OR11A1: variants seen among roughly 807,000 people sequenced by gnomAD.
The protein encoded by OR11A1 is olfactory receptor 11A1.
For missense variants in OR11A1, 380 were observed against 378.2 expected (o/e 1.00, Z -0.04); for synonymous variants, 158 against 152.2 (o/e 1.04, Z -0.28).
intron 1 of OR11A1, among the ~76,000 whole-genome samples, chr6:29,443,260 T>G (rs1784392361): frequency 1.3e-5 from 2 of 152,142 alleles, no homozygotes; most frequent in Admixed American, 1.3e-4. Context: ...TCACACTCCA[T>G]TGTAATCTCT....
chr6:29,427,404 T>C lies in OR11A1; in HGVS notation c.238A>G (p.Met80Val). The change falls in exon 5 of 5, where the codon ATG (methionine) becomes GTG (valine). Residue 80 changes from methionine to valine, a missense_variant. By Grantham distance (21) the Met-to-Val change is conservative (BLOSUM62 1). Coordinates refer to ENST00000377149, the MANE Select transcript of OR11A1 (RefSeq NM_001394828.1). ...AGGAAGCCCTCCAGCATTTTTGGCATCACTGCGGAGGTGTAGAGAATATCC... is the reference window on the plus strand; with the variant it reads ...AGGAAGCCCTCCAGCATTTTTGGCACCACTGCGGAGGTGTAGAGAATATCC... Reference protein sequence around the residue: ...FLDILYTSAVMPKMLEGFLQE... With the variant: ...FLDILYTSAVVPKMLEGFLQE... 3 of 1,613,108 alleles carry C rather than the reference T, an allele frequency of 1.9e-6. No homozygotes were observed. The highest frequency in any genetic ancestry group is 2.5e-6 in the Non-Finnish European group (3 of 1,180,038).
chr6:29,444,031 T>A (rs562730385), intron 1 of OR11A1, among the ~76,000 whole-genome samples: 10 of 152,222 alleles, frequency 6.6e-5, no homozygotes, highest in Admixed American at 3.3e-4. Context: ...TTATATGGTT[T>A]GGCTCTATGT....
chr6:29,440,519 C>T (rs921263489), intron 1 of OR11A1: 20 of 1,613,666 alleles, frequency 1.2e-5, no homozygotes, highest in African/African-American at 5.3e-5. Context: ...TGCCCTTCTG[C>T]GGCCCCAATA....
chr6:29,428,122 A>T, intron 4 of OR11A1: 1 of 577,134 alleles, frequency 1.7e-6, no homozygotes, highest in Non-Finnish European at 2.2e-6. Context: ...GTGGTTTGAG[A>T]ATTCTGTCTA....
intron 1 of OR11A1, among the ~76,000 whole-genome samples, chr6:29,437,857 G>A (rs112014087): frequency 6.6e-6 from 1 of 152,218 alleles, no homozygotes; most frequent in African/African-American, 2.4e-5. Flanking sequence ...GTAGATGACT[G>A]ATGAGCTGAG....
chr6:29,438,807 G>A (rs1783855590), intron 1 of OR11A1, among the ~76,000 whole-genome samples: 1 of 148,724 alleles, frequency 6.7e-6, no homozygotes, highest in Admixed American at 6.6e-5. Context: ...CCTCAAGAGG[G>A]ATCCACTATG....
At chr6:29,443,377 A>T (rs1226549567) in intron 1 of OR11A1, among the ~76,000 whole-genome samples, 1 of 152,092 alleles carries the variant, frequency 6.6e-6, no homozygotes, top group African/African-American at 2.4e-5. Context: ...ATTATAAAAT[A>T]TGTACTCTTT....
chr6:29,455,601 A>C (rs1041378019), intron 1 of OR11A1, among the ~76,000 whole-genome samples: 4 of 152,194 alleles, frequency 2.6e-5, no homozygotes, highest in Non-Finnish European at 5.9e-5. Context: ...TGACCATAGT[A>C]ATCATTTAAC....
intron 1 of OR11A1, among the ~76,000 whole-genome samples, chr6:29,455,061 C>T (rs1047754883): frequency 6.6e-6 from 1 of 151,900 alleles, no homozygotes; most frequent in Non-Finnish European, 1.5e-5. Flanking sequence ...AAATTAAAAG[C>T]TTCTAAAGAA....
At chr6:29,436,681 G>T (rs1453453578) in intron 1 of OR11A1, among the ~76,000 whole-genome samples, 2 of 152,304 alleles carry the variant, frequency 1.3e-5, no homozygotes, top group South Asian at 4.1e-4. Flanking sequence ...ATAAGAATCA[G>T]CTGTGTCTGC....
chr6:29,442,266 T>C (rs1030505904), intron 1 of OR11A1, among the ~76,000 whole-genome samples: 3 of 152,010 alleles, frequency 2.0e-5, no homozygotes, highest in South Asian at 2.1e-4. Flanking sequence ...CCAGCACAGA[T>C]ATGAGCCAAA....
chr6:29,428,176 C>A, intron 4 of OR11A1: 1 of 915,266 alleles, frequency 1.1e-6, no homozygotes, highest in African/African-American at 1.8e-5. Flanking sequence ...TCTCAACCGC[C>A]CCTTTCATTC....
In OR11A1 at chr6:29,427,234, C is replaced by T. The variant is rs996394762; in HGVS notation, c.408G>A (p.Leu136=). 2 of 1,612,984 alleles carry T rather than the reference C, an allele frequency of 1.2e-6. No individual in the cohort carries two copies. Among genetic ancestry groups the T allele is most frequent in the Non-Finnish European group, 1.7e-6 (2 of 1,180,036 alleles). ...GCCCCATGTACCGTCTGGGCCCCAT[C>T]AGGAGTGGGTAGTGGAGTGGGTAGC... ...AICYPLHYPL[L]MGPRRYMGLV... is the part of the protein sequence containing the mutation. Residue 136 remains leucine (L), a synonymous_variant, in exon 5 of 5, where the codon CTG becomes CTA. Transcript: ENST00000377149.
chr6:29,439,903 C>G (rs1582567549), intron 1 of OR11A1: 2 of 759,272 alleles, frequency 2.6e-6, no homozygotes, highest in Non-Finnish European at 2.2e-6. Flanking sequence ...AAAGGGAGAT[C>G]TAGTGCTGCG....
At chr6:29,447,852 C>G (rs1328240834) in intron 1 of OR11A1, among the ~76,000 whole-genome samples, 1 of 152,134 alleles carries the variant, frequency 6.6e-6, no homozygotes, top group African/African-American at 2.4e-5. Context: ...CCCATTCCTC[C>G]TTGACACTGG....
intron 1 of OR11A1, among the ~76,000 whole-genome samples, chr6:29,451,634 G>A (rs1785392553): frequency 1.3e-5 from 2 of 151,952 alleles, no homozygotes; most frequent in African/African-American, 4.8e-5. Flanking sequence ...AAACCACAGT[G>A]AGATACCATC....
chr6:29,428,272 G>C, intron 4 of OR11A1: 1 of 985,350 alleles, frequency 1.0e-6, no homozygotes, highest in Non-Finnish European at 1.2e-6. Flanking sequence ...TTAAATAGTA[G>C]TTTCATCAAG....
At position 29,427,092 on chromosome 6, in the gene OR11A1, G is replaced by A. The variant is rs1482082459; in HGVS notation, c.550C>T (p.Leu184Phe). ...TCCGAGCAAGCCAGGCCCACGAAAA[G>A]CATAAAGTCACAGTAAAACTGGTCA... The part of the protein sequence containing the change: ...HIDQFYCDFM[L>F]FVGLACSDPR... The change falls in exon 5 of 5, where the codon CTT becomes TTT. Residue 184 changes from leucine (L) to phenylalanine (F), a missense_variant. Leu to Phe is a conservative substitution (Grantham distance 22). Coordinates refer to ENST00000377149, the MANE Select transcript of OR11A1 (RefSeq NM_001394828.1). 14 of 1,612,664 alleles carry A rather than the reference G, an allele frequency of 8.7e-6. No homozygotes were observed. The highest frequency in any genetic ancestry group is 1.7e-5 in the Admixed American group (1 of 60,016).
rs781406112 is a variant in OR11A1 at position 29,427,033 on chromosome 6, C to T, written c.609G>A (p.Leu203=). ...PRVAQVTTLI[L]SVFCLTIPFG... is the part of the protein sequence containing the mutation. ...AAGGAATAGTGAGGCAGAACACAGA[C>T]AGAATGAGAGTTGTCACCTGAGCCA... Residue 203 remains leucine, a synonymous_variant, in exon 5 of 5, where the codon CTG becomes CTA. Coordinates refer to ENST00000377149, the MANE Select transcript of OR11A1 (RefSeq NM_001394828.1). The T allele has an allele frequency of 1.2e-6, 2 of 1,612,416 alleles. No homozygotes were observed. Among genetic ancestry groups the T allele is most frequent in the Admixed American group, 1.7e-5 (1 of 60,018 alleles).
Sources: allele counts gnomAD v4.1 joint callset (sites outside exome capture counted in the v4.1 genomes callset), GRCh38; gene constraint gnomAD v4.1.1; transcripts MANE v1.5; gene names NCBI Gene and HGNC (gene_info 2026-07-23, HGNC 2026-07-21).